The following CASQ2 variants were observed in gnomAD, a reference collection of about 807,000 sequenced individuals.
The protein encoded by CASQ2 is calsequestrin-2.
Under a neutral mutation model 46.5 loss-of-function variants are expected in CASQ2, and 49 were observed. The ratio of observed to expected loss-of-function variants is 1.05; its 90% CI spans 0.84 to 1.34. CASQ2 has a LOEUF of 1.34. Among genes scored for constraint, CASQ2 ranks in the 40% most tolerant of loss-of-function variants. The pLI is 0.00. For missense variants in CASQ2, 486 were observed against 481.3 expected, an observed-to-expected ratio of 1.01 and a Z score of -0.09; for synonymous variants, 174 against 168.5, an observed-to-expected ratio of 1.03 and a Z score of -0.25.
intron 7 of CASQ2, among the ~76,000 whole-genome samples, chr1:115,722,769 C>T (rs1253174758): frequency 3.3e-5 from 5 of 152,096 alleles, no homozygotes; most frequent in African/African-American, 1.2e-4. Flanking sequence ...ATAAGCAGGC[C>T]GGGCGTGGTA....
intron 1 of CASQ2, among the ~76,000 whole-genome samples, chr1:115,765,225 G>A (rs9428090): frequency 0.38 from 57,287 of 151,948 alleles, 12,515 homozygotes; most frequent in Non-Finnish European, 0.5. Context: ...CATTTTCCCC[G>A]TATCCACAGC....
chr1:115,708,345 G>T (rs1277184207), intron 8 of CASQ2, among the ~76,000 whole-genome samples: 2 of 152,134 alleles, frequency 1.3e-5, no homozygotes, highest in African/African-American at 2.4e-5. Flanking sequence ...AGATCCAAGG[G>T]CAGGTTTCTG....
intron 1 of CASQ2, among the ~76,000 whole-genome samples, chr1:115,745,469 C>T (rs1026187678): frequency 3.3e-5 from 5 of 151,982 alleles, no homozygotes; most frequent in African/African-American, 4.8e-5. Context: ...AGTAGAGTAT[C>T]GGGGGTCAGG....
chr1:115,754,086 C>T (rs552395401), intron 1 of CASQ2, among the ~76,000 whole-genome samples: 1 of 152,176 alleles, frequency 6.6e-6, no homozygotes, highest in Non-Finnish European at 1.5e-5. Flanking sequence ...AACTGTGTGT[C>T]CTTCCCTGAA....
chr1:115,720,534 C>A (rs2101071559), intron 7 of CASQ2, among the ~76,000 whole-genome samples: 1 of 152,274 alleles, frequency 6.6e-6, no homozygotes, highest in South Asian at 2.1e-4. Flanking sequence ...GCAGAACAGG[C>A]TCCATGAATT....
chr1:115,704,451 G>A (rs1377270488), intron 9 of CASQ2, among the ~76,000 whole-genome samples: 1 of 152,180 alleles, frequency 6.6e-6, no homozygotes, highest in Non-Finnish European at 1.5e-5. Context: ...TCACAGGGTT[G>A]TTGAGAGGAT....
intron 8 of CASQ2, among the ~76,000 whole-genome samples, chr1:115,715,683 T>C (rs1198929313): frequency 2.0e-5 from 3 of 152,224 alleles, no homozygotes; most frequent in Non-Finnish European, 2.9e-5. Context: ...GTTACTATTA[T>C]GGTATATGGA....
intron 5 of CASQ2, among the ~76,000 whole-genome samples, chr1:115,731,502 C>T (rs1039711253): frequency 1.2e-4 from 19 of 152,166 alleles, no homozygotes; most frequent in Admixed American, 9.8e-4. Context: ...ATATCCTATC[C>T]AATCCTCCCA....
intron 1 of CASQ2, among the ~76,000 whole-genome samples, chr1:115,766,012 C>A (rs1237588511): frequency 1.3e-5 from 2 of 152,188 alleles, no homozygotes; most frequent in East Asian, 1.9e-4. Context: ...CTTGATGCTG[C>A]GCCTGACAAG....
intron 3 of CASQ2, among the ~76,000 whole-genome samples, chr1:115,739,364 C>G (rs1384438717): frequency 1.3e-5 from 2 of 151,990 alleles, no homozygotes; most frequent in Non-Finnish European, 2.9e-5. Context: ...ATCAGCCCAC[C>G]TTGGCCTCCC....
In CASQ2 at chr1:115,763,574, G is replaced by A. The variant is rs191346290; in HGVS notation, c.234+4734C>T. On this transcript the variant is annotated intron_variant, in intron 1 of 10. Transcript: ENST00000261448. ...GCTGTATTGTGTTTAGAATCCTGATGAAATAGTGAGTGTGGGCTAAAAGAA... is the reference window on the plus strand; with the variant it reads ...GCTGTATTGTGTTTAGAATCCTGATAAAATAGTGAGTGTGGGCTAAAAGAA... Among the ~76,000 whole-genome samples, 5 of 152,322 alleles carry A rather than the reference G, an allele frequency of 3.3e-5. 1 individual carries two copies. The East Asian group carries it at 9.6e-4, about 29-fold the overall frequency.
At chr1:115,756,681 G>A (rs111336145) in intron 1 of CASQ2, among the ~76,000 whole-genome samples, 10,443 of 152,122 alleles carry the variant, frequency 0.069, 1,208 homozygotes, top group African/African-American at 0.24. Context: ...GCATGGTGGC[G>A]TGTGCCTGTA....
chr1:115,712,256 C>T (rs1654572455), intron 8 of CASQ2, among the ~76,000 whole-genome samples: 1 of 152,174 alleles, frequency 6.6e-6, no homozygotes, highest in Admixed American at 6.5e-5. Context: ...ATTGTCTGGG[C>T]CCCACAGCTA....
chr1:115,720,769 T>G (rs1647346456), intron 7 of CASQ2, among the ~76,000 whole-genome samples: 1 of 152,198 alleles, frequency 6.6e-6, no homozygotes, highest in African/African-American at 2.4e-5. Context: ...TTATATGTCT[T>G]GAGACTGTTT....
chr1:115,741,482 T>C (rs569759366), intron 2 of CASQ2, among the ~76,000 whole-genome samples: 2 of 152,370 alleles, frequency 1.3e-5, no homozygotes, highest in South Asian at 2.1e-4. Flanking sequence ...TATTGATCTT[T>C]GTTCAGCTCA....
rs528253361 is a variant in CASQ2, at chr1:115,724,996, C to A, written c.783+512G>T. On this transcript the variant is annotated intron_variant, in intron 7 of 10. Coordinates refer to ENST00000261448, the MANE Select transcript of CASQ2 (RefSeq NM_001232.4). The stretch of plus-strand genomic sequence containing the variant: ...AGCAATTTTGCCTAGTGAGTAGTAC[C>A]AAAGAGGCTTGGATTGATCCATGGA... Among the ~76,000 whole-genome samples the A allele has an allele frequency of 9.2e-5, 14 of 152,282 alleles. No individual in the cohort carries two copies. The South Asian group carries it at 2.7e-3, about 29-fold the overall frequency.
chr1:115,711,519 A>T (rs1196131478), intron 8 of CASQ2, among the ~76,000 whole-genome samples: 1 of 151,908 alleles, frequency 6.6e-6, no homozygotes, highest in Non-Finnish European at 1.5e-5. Flanking sequence ...CACATGCAGA[A>T]GGTCCTCATA....
Position 115,738,248 on chromosome 1 carries a change from A to C in CASQ2, c.508T>G (p.Phe170Val). 6.2e-7 allele frequency: 1 copy of C among 1,611,596 alleles called. No individual in the cohort carries two copies. The highest frequency in any genetic ancestry group is 8.5e-7 in the Non-Finnish European group (1 of 1,177,612). Residue 170 changes from phenylalanine to valine, a missense_variant, in exon 4 of 11, where the codon TTT (phenylalanine) becomes GTT (valine). By Grantham distance (50) the Phe-to-Val change is conservative. Transcript: ENST00000261448. ...CATTCTGAGTCCTCACTCTTGAAAAAGCCAATGAGTTTGATGTAGTCTTCA... is the reference window on the plus strand; with the variant it reads ...CATTCTGAGTCCTCACTCTTGAAAACGCCAATGAGTTTGATGTAGTCTTCA... ...RIEDYIKLIGFFKSEDSEYYK... is the reference protein window; with the variant it reads ...RIEDYIKLIGVFKSEDSEYYK...
intron 1 of CASQ2, among the ~76,000 whole-genome samples, chr1:115,755,446 C>T (rs1472662987): frequency 6.6e-6 from 1 of 152,140 alleles, no homozygotes; most frequent in Admixed American, 6.5e-5. Flanking sequence ...GTTGGTACAC[C>T]TCATTTTAAA....
Sources: allele counts gnomAD v4.1 joint callset (sites outside exome capture counted in the v4.1 genomes callset), GRCh38; gene constraint gnomAD v4.1.1; transcripts MANE v1.5; gene names NCBI Gene and HGNC (gene_info 2026-07-23, HGNC 2026-07-21).